Variants in ITPR3 observed in about 807,000 individuals in gnomAD.
ITPR3 encodes inositol 1,4,5-trisphosphate receptor type 3, also known as inositol 1,4,5-trisphosphate-gated calcium channel ITPR3.
Under a neutral mutation model 293.2 loss-of-function variants are expected in ITPR3, and 173 were observed. The observed-to-expected ratio is 0.59, with a 90% CI of 0.52 to 0.67. The LOEUF (loss-of-function observed/expected upper bound fraction) is 0.67, where lower values mean the gene tolerates loss of function less well. Among genes scored for constraint, ITPR3 ranks in the 30% least tolerant of loss-of-function variants. The pLI, the probability that ITPR3 is intolerant of heterozygous loss-of-function variation, is 0.00. For missense variants in ITPR3, 2,796 were observed against 3,592.1 expected, an observed-to-expected ratio of 0.78 and a Z score of 5.66; for synonymous variants, 1,295 against 1,444.4, an observed-to-expected ratio of 0.90 and a Z score of 2.35.
At chr6:33,669,511 C>T (rs1394845940) in intron 18 of ITPR3, among the ~76,000 whole-genome samples, 4 of 152,224 alleles carry the variant, frequency 2.6e-5, no homozygotes, top group Non-Finnish European at 4.4e-5. Flanking sequence ...GCATGGGAAT[C>T]GCTTGAACCT....
At position 33,684,041 on chromosome 6, in the gene ITPR3, G is replaced by A. The variant is rs751154571; in HGVS notation, c.4810G>A (p.Glu1604Lys). 36 of 1,610,372 alleles carry A rather than the reference G, an allele frequency of 2.2e-5. No individual in the cohort carries two copies. The South Asian group carries it at 3.5e-4, about 16-fold the overall frequency. The change falls in exon 36 of 58, where the codon GAG (glutamate) becomes AAG (lysine). Residue 1604 changes from glutamate (E) to lysine (K), a missense_variant. By Grantham distance (56) the Glu-to-Lys change is moderately conservative. Around this residue, in one of 8 missense-constraint regions of ITPR3, gnomAD observed 704 missense variants for 797.5 expected, o/e 0.88. Coordinates refer to ENST00000605930, the MANE Select transcript of ITPR3 (RefSeq NM_002224.4). The surrounding 1 kb of genome is among the most constrained non-coding windows in gnomAD (Gnocchi z 4.2). ...KLQDIITALE[E>K]RLKPLVQAEL... ...CCAGGACATCATCACAGCCCTGGAG[G>A]AGCGGCTGAAGCCCCTGGTACAGGC...
In ITPR3 at chr6:33,670,231, C is replaced by A. The variant is rs1764718399; in HGVS notation, c.2190-94C>A. On this transcript the variant is annotated intron_variant, in intron 18 of 57. Transcript: ENST00000605930. This position sits in a 1 kb window ranked among gnomAD's most constrained non-coding sequence, Gnocchi z 6.7. Reference sequence around the variant, plus strand: ...GCGCATCTTTAACCTAATCCCTTTGCCACTTTACTGAGTCCTCACCAAGTC... The same window carrying A: ...GCGCATCTTTAACCTAATCCCTTTGACACTTTACTGAGTCCTCACCAAGTC... The A allele has an allele frequency of 1.5e-6, 2 of 1,369,274 alleles. No individual in the cohort carries two copies. The highest frequency in any genetic ancestry group is 1.8e-5 in the Admixed American group (1 of 56,126). 84.8% of individuals were successfully genotyped at this position (1,369,274 alleles called of 1,614,324 possible).
At position 33,695,884 on chromosome 6, in the gene ITPR3, A is replaced by G; in HGVS notation, c.*104A>G. ...GGTTGGGTGGCCCAGCCAGCTGGCC[A>G]GCCTCCACTCCCACTCTGCCAGACA... On this transcript the variant is annotated 3_prime_UTR_variant, in exon 58 of 58. Coordinates refer to ENST00000605930, the MANE Select transcript of ITPR3 (RefSeq NM_002224.4). 1 of 1,095,970 alleles carries G rather than the reference A, an allele frequency of 9.1e-7. No individual in the cohort carries two copies. Among genetic ancestry groups the G allele is most frequent in the Non-Finnish European group, 1.4e-6 (1 of 731,230 alleles). 67.9% of individuals were successfully genotyped at this position (1,095,970 alleles called of 1,614,324 possible). A position where few individuals can be genotyped will look rare whatever the true frequency, so the allele number is the denominator to read the frequency against.
chr6:33,679,861 C>T lies in ITPR3; in HGVS notation c.3973-21C>T, dbSNP rs373301991. 6.9e-6 allele frequency: 11 copies of T among 1,599,348 alleles called. No individual in the cohort carries two copies. Among genetic ancestry groups the T allele is most frequent in the African/African-American group, 4.0e-5 (3 of 74,758 alleles). On this transcript the variant is annotated intron_variant, in intron 30 of 57. Coordinates refer to ENST00000605930, the MANE Select transcript of ITPR3 (RefSeq NM_002224.4). The surrounding 1 kb of genome is among the most constrained non-coding windows in gnomAD (Gnocchi z 4.2). ...CTTGCTGGACCGAGAGAGTGTGACA[C>T]GTGCCCCCTCCCACCCGCAGCTGAC... is the stretch of plus-strand genomic sequence containing the variant.
In ITPR3 at chr6:33,655,655, C is replaced by CG; in HGVS notation, c.161-106dup. ...CTTCCTCTCTACCTGCAGCGGGGAA[C>CG]GGGGGTGGGGAAGGGTTGGGAGAGA... On this transcript the variant is annotated intron_variant, in intron 2 of 57. Transcript: ENST00000605930. This position sits in a 1 kb window ranked among gnomAD's most constrained non-coding sequence, Gnocchi z 4.9. The CG allele has an allele frequency of 2.8e-6, 4 of 1,406,070 alleles. No individual in the cohort carries two copies. The highest frequency in any genetic ancestry group is 2.4e-5 in the East Asian group (1 of 41,694). 87.1% of individuals were successfully genotyped at this position (1,406,070 alleles called of 1,614,324 possible). A position where few individuals can be genotyped will look rare whatever the true frequency, so the allele number is the denominator to read the frequency against.
At position 33,672,418 on chromosome 6, in the gene ITPR3, G is replaced by T. The variant is rs1764793701; in HGVS notation, c.2928+190G>T. On this transcript the variant is annotated intron_variant, in intron 22 of 57. Transcript: ENST00000605930. The surrounding 1 kb of genome is among the most constrained non-coding windows in gnomAD (Gnocchi z 5.0). ...TTGGGCCAGCCTCACCTGGGAGCTTGTTAGAAGTGCACATTCTCGGTTGTG... is the reference window on the plus strand; with the variant it reads ...TTGGGCCAGCCTCACCTGGGAGCTTTTTAGAAGTGCACATTCTCGGTTGTG... Among the ~76,000 whole-genome samples, 1 of 152,072 alleles carries T rather than the reference G, an allele frequency of 6.6e-6. No individual in the cohort carries two copies. The highest frequency in any genetic ancestry group is 2.4e-5 in the African/African-American group (1 of 41,372).
At position 33,680,088 on chromosome 6, in the gene ITPR3, G is replaced by A. The variant is rs1405269783; in HGVS notation, c.4179G>A (p.Leu1393=). Residue 1393 remains leucine (L), a synonymous_variant, in exon 31 of 58, where the codon CTG becomes CTA. Transcript: ENST00000605930. ...TCAAGTGCACCTCCCTGCTGCCGCT[G>A]GAGGACGTGGTGTCTGTGGTGACGC... ...TEIKCTSLLP[L]EDVVSVVTHE... is the part of the protein sequence containing the mutation. The A allele has an allele frequency of 6.2e-7, 1 of 1,613,694 alleles. No homozygotes were observed. Among genetic ancestry groups the A allele is most frequent in the Non-Finnish European group, 8.5e-7 (1 of 1,180,026 alleles).
rs768363761 is a variant in ITPR3 at position 33,683,330 on chromosome 6, G to A, written c.4721G>A (p.Arg1574Gln). The A allele has an allele frequency of 8.8e-6, 14 of 1,594,612 alleles. No homozygotes were observed. Among genetic ancestry groups the A allele is most frequent in the African/African-American group, 2.7e-5 (2 of 74,706 alleles). Residue 1574 changes from arginine to glutamine, a missense_variant, in exon 35 of 58, where the codon CGG becomes CAG. Around this residue, in one of 8 missense-constraint regions of ITPR3, gnomAD observed 704 missense variants for 797.5 expected, o/e 0.88. Coordinates refer to ENST00000605930, the MANE Select transcript of ITPR3 (RefSeq NM_002224.4). The surrounding 1 kb of genome is among the most constrained non-coding windows in gnomAD (Gnocchi z 4.5). Reference protein sequence around the residue: ...RNASSYKATTRAFPRVTPTAN... With the variant: ...RNASSYKATTQAFPRVTPTAN... ...GCCTCCAGCTACAAGGCAACCACGCGGGCCTTCCCCCGCGTCACCCCCACC... is the reference window on the plus strand; with the variant it reads ...GCCTCCAGCTACAAGGCAACCACGCAGGCCTTCCCCCGCGTCACCCCCACC...
chr6:33,689,671 CTG>C (rs1256112815), intron 50 of ITPR3, among the ~76,000 whole-genome samples: 2 of 152,384 alleles, frequency 1.3e-5, no homozygotes, highest in Non-Finnish European at 2.9e-5. Context: ...GCTGTGCACA[CTG>C]TGCGGGCTGT....
intron 41 of ITPR3, 104 bp downstream of exon 41, chr6:33,685,931 G>A: frequency 4.0e-6 from 6 of 1,516,434 alleles, no homozygotes; most frequent in Middle Eastern, 3.7e-4. Context: ...CCCTGCCCTG[G>A]GCACTGCTGC....
At position 33,630,177 on chromosome 6, in the gene ITPR3, C is replaced by A. The variant is rs1763641425; in HGVS notation, c.89+8486C>A. Among the ~76,000 whole-genome samples, 3 of 152,200 alleles carry A rather than the reference C, an allele frequency of 2.0e-5. No homozygotes were observed. In the South Asian group the frequency reaches 6.2e-4, roughly 32 times the overall value. On this transcript the variant is annotated intron_variant, in intron 1 of 57. Coordinates refer to ENST00000605930, the MANE Select transcript of ITPR3 (RefSeq NM_002224.4). ...CAGTTTCCTTTAATCTAAAACAGCG[C>A]CCCGCCCTCATCTCCTTTTCCACCA...
chr6:33,667,062 T>C lies in ITPR3; in HGVS notation c.1552-67T>C. 2 of 1,566,648 alleles carry C rather than the reference T, an allele frequency of 1.3e-6. No individual in the cohort carries two copies. Among genetic ancestry groups the C allele is most frequent in the South Asian group, 1.2e-5 (1 of 84,676 alleles). On this transcript the variant is annotated intron_variant, in intron 14 of 57. Coordinates refer to ENST00000605930, the MANE Select transcript of ITPR3 (RefSeq NM_002224.4). This position sits in a 1 kb window ranked among gnomAD's most constrained non-coding sequence, Gnocchi z 4.4. Reference sequence around the variant, plus strand: ...GAGTCAGTTGGGACTCAGGGATGACTCCTGGGATGACTTAGGGGTACAGAC... The same window carrying C: ...GAGTCAGTTGGGACTCAGGGATGACCCCTGGGATGACTTAGGGGTACAGAC...
intron 2 of ITPR3, among the ~76,000 whole-genome samples, chr6:33,648,897 C>T (rs905649186): frequency 4.6e-5 from 7 of 151,028 alleles, no homozygotes; most frequent in South Asian, 2.1e-4. Context: ...CCCAGGCTGC[C>T]ATGTGTATTT....
intron 1 of ITPR3, among the ~76,000 whole-genome samples, chr6:33,625,974 AC>A (rs1763541432): frequency 6.6e-6 from 1 of 152,024 alleles, no homozygotes; most frequent in Admixed American, 6.6e-5. Flanking sequence ...GGTCTTTGTC[AC>A]CCAGGCTGGA....
rs990451416 is a variant in ITPR3 at position 33,638,204 on chromosome 6, C to T, written c.90-2280C>T. Among the ~76,000 whole-genome samples the T allele has an allele frequency of 3.3e-5, 5 of 151,976 alleles. No individual in the cohort carries two copies. Among genetic ancestry groups the T allele is most frequent in the Non-Finnish European group, 7.4e-5 (5 of 68,012 alleles). ...TATTTTTAGTAGAGATGAGGTTTCACCATGTTGGTCAGGCGGGTCTCGAAC... is the reference window on the plus strand; with the variant it reads ...TATTTTTAGTAGAGATGAGGTTTCATCATGTTGGTCAGGCGGGTCTCGAAC... On this transcript the variant is annotated intron_variant, in intron 1 of 57. Coordinates refer to ENST00000605930, the MANE Select transcript of ITPR3 (RefSeq NM_002224.4). The surrounding 1 kb of genome is among the most constrained non-coding windows in gnomAD (Gnocchi z 4.3).
Position 33,621,733 on chromosome 6 carries a change from G to A in ITPR3, c.89+42G>A. The A allele has an allele frequency of 6.8e-7, 1 of 1,475,300 alleles. No individual in the cohort carries two copies. Among genetic ancestry groups the A allele is most frequent in the African/African-American group, 1.4e-5 (1 of 71,956 alleles). The allele number at this position is 1,475,300 out of a possible 1,614,324, so 91.4% of individuals were successfully genotyped here. On this transcript the variant is annotated intron_variant, in intron 1 of 57. Transcript: ENST00000605930. The surrounding 1 kb of genome is among the most constrained non-coding windows in gnomAD (Gnocchi z 7.7). ...CGAGAGGGGCGCGGGTAAAGAGGGG[G>A]CGCCGTGGGCCCTGGTGCCAGCTGC...
rs1285836350 is a variant in ITPR3 at position 33,666,470 on chromosome 6, G to A, written c.1551+494G>A. ...AATAGGCAGCATTTTACACCCAAAA[G>A]TTTCAGCAGGCATCCCTAACAATAG... On this transcript the variant is annotated intron_variant, in intron 14 of 57. Coordinates refer to ENST00000605930, the MANE Select transcript of ITPR3 (RefSeq NM_002224.4). This position sits in a 1 kb window ranked among gnomAD's most constrained non-coding sequence, Gnocchi z 5.1. Among the ~76,000 whole-genome samples, 1 of 152,136 alleles carries A rather than the reference G, an allele frequency of 6.6e-6. No individual in the cohort carries two copies. Among genetic ancestry groups the A allele is most frequent in the African/African-American group, 2.4e-5 (1 of 41,426 alleles).
Position 33,666,116 on chromosome 6 carries a change from C to G in ITPR3, c.1551+140C>G. 1 of 958,928 alleles carries G rather than the reference C, an allele frequency of 1.0e-6. No homozygotes were observed. Among genetic ancestry groups the G allele is most frequent in the Non-Finnish European group, 1.5e-6 (1 of 668,338 alleles). The allele number at this position is 958,928 out of a possible 1,614,324, so 59.4% of individuals were successfully genotyped here. On this transcript the variant is annotated intron_variant, in intron 14 of 57. Coordinates refer to ENST00000605930, the MANE Select transcript of ITPR3 (RefSeq NM_002224.4). This position sits in a 1 kb window ranked among gnomAD's most constrained non-coding sequence, Gnocchi z 5.1. ...ACGTGCCAGGGACTTCCCTAAGTACCCCACATGTGTTGACGAATTTGATCC... is the reference window on the plus strand; with the variant it reads ...ACGTGCCAGGGACTTCCCTAAGTACGCCACATGTGTTGACGAATTTGATCC...
At chr6:33,669,191 GT>G in intron 18 of ITPR3, 35 bp downstream of exon 18, 3 of 1,598,298 alleles carry the variant, frequency 1.9e-6, no homozygotes, top group Non-Finnish European at 2.6e-6. Flanking sequence ...CCCTCTTCCT[GT>G]GCCTTTGGGC....
Sources: allele counts gnomAD v4.1 joint callset (sites outside exome capture counted in the v4.1 genomes callset), GRCh38; gene constraint gnomAD v4.1.1; regional missense constraint gnomAD v4.1.1; non-coding constraint Gnocchi (gnomAD v3.1); transcripts MANE v1.5; gene names NCBI Gene and HGNC (gene_info 2026-07-23, HGNC 2026-07-21).